Variants in SLC30A9 observed in about 807,000 individuals in gnomAD.
The protein encoded by SLC30A9 is solute carrier family 30 member 9, also known as proton-coupled zinc antiporter SLC30A9, mitochondrial.
In SLC30A9, 58 loss-of-function variants were observed where a neutral mutation model predicts 87.5. The ratio of observed to expected loss-of-function variants is 0.66; its 90% CI spans 0.54 to 0.82. The LOEUF is 0.82. SLC30A9 is among the 40% of genes least tolerant of loss of function. The pLI, the probability that SLC30A9 is intolerant of heterozygous loss-of-function variation, is 0.00. For missense variants in SLC30A9, 557 were observed against 679.1 expected (o/e 0.82, Z 2.00); for synonymous variants, 234 against 233.0 (o/e 1.00, Z -0.04).
At chr4:42,032,561 A>G (rs928816995) in intron 6 of SLC30A9, among the ~76,000 whole-genome samples, 1 of 152,172 alleles carries the variant, frequency 6.6e-6, no homozygotes, top group Non-Finnish European at 1.5e-5. Flanking sequence ...TGAGACAATT[A>G]TGGTCAATAA....
intron 1 of SLC30A9, among the ~76,000 whole-genome samples, chr4:41,991,973 T>C (rs1714462722): frequency 6.7e-6 from 1 of 150,222 alleles, no homozygotes; most frequent in Admixed American, 6.6e-5. Flanking sequence ...TTTTTGGTAG[T>C]GATAGAAAAG....
chr4:42,046,634 A>T (rs117716634), intron 8 of SLC30A9, among the ~76,000 whole-genome samples: 1,681 of 152,322 alleles, frequency 0.011, 107 homozygotes, highest in Admixed American at 0.099. Flanking sequence ...AATAATCAAT[A>T]TCATGAAAAT....
chr4:42,076,457 T>C (rs552652787), intron 16 of SLC30A9, among the ~76,000 whole-genome samples: 1 of 152,308 alleles, frequency 6.6e-6, no homozygotes, highest in South Asian at 2.1e-4. Context: ...TAGTGTAATA[T>C]GTAACATTTT....
At chr4:41,993,820 C>G (rs1714566732) in intron 1 of SLC30A9, among the ~76,000 whole-genome samples, 1 of 151,960 alleles carries the variant, frequency 6.6e-6, no homozygotes, top group South Asian at 2.1e-4. Flanking sequence ...ATTATGATAC[C>G]TTTATTATGG....
intron 14 of SLC30A9, among the ~76,000 whole-genome samples, chr4:42,069,331 T>TG (rs1718212842): frequency 6.6e-6 from 1 of 152,194 alleles, no homozygotes; most frequent in Non-Finnish European, 1.5e-5. Context: ...TTAAATAACA[T>TG]GCCAAGAAAT....
chr4:42,024,296 A>G (rs1416827873), intron 6 of SLC30A9, among the ~76,000 whole-genome samples: 4 of 152,280 alleles, frequency 2.6e-5, no homozygotes, highest in Non-Finnish European at 4.4e-5. Context: ...ACTTGAGCCC[A>G]GGAGTTTGAG....
At chr4:42,046,658 A>G (rs1426014486) in intron 8 of SLC30A9, among the ~76,000 whole-genome samples, 1 of 152,214 alleles carries the variant, frequency 6.6e-6, no homozygotes, top group African/African-American at 2.4e-5. Context: ...CGTACTGCGC[A>G]AAGTAATTAA....
rs1257507068 is a variant in SLC30A9, at chr4:41,990,658, C to T, written c.7C>T (p.Pro3Ser). MLPGLAAAAAHRC... is the reference protein window; with the variant it reads MLSGLAAAAAHRC... ...GGGCCTCTGCCCCACCAGGATGTTACCCGGCTTGGCCGCCGCCGCGGCCCA... is the reference window on the plus strand; with the variant it reads ...GGGCCTCTGCCCCACCAGGATGTTATCCGGCTTGGCCGCCGCCGCGGCCCA... Residue 3 changes from proline (P) to serine (S), a missense_variant, in exon 1 of 18, where the codon CCC becomes TCC. Pro to Ser is a moderately conservative substitution (Grantham distance 74, BLOSUM62 -1). Coordinates refer to ENST00000264451, the MANE Select transcript of SLC30A9 (RefSeq NM_006345.4). 2 of 1,605,512 alleles carry T rather than the reference C, an allele frequency of 1.2e-6. No individual in the cohort carries two copies. Among genetic ancestry groups the T allele is most frequent in the Admixed American group, 1.7e-5 (1 of 59,478 alleles).
intron 14 of SLC30A9, among the ~76,000 whole-genome samples, chr4:42,067,895 C>A (rs1167868606): frequency 6.6e-6 from 1 of 152,062 alleles, no homozygotes; most frequent in East Asian, 1.9e-4. Context: ...CTAGGATAGG[C>A]TCAAGTAGAT....
At chr4:42,019,034 A>AT (rs1312255765) in intron 3 of SLC30A9, among the ~76,000 whole-genome samples, 6 of 151,226 alleles carry the variant, frequency 4.0e-5, no homozygotes, top group Non-Finnish European at 7.4e-5. Context: ...TAAGGTTTTG[A>AT]TTTTTTAATT....
intron 9 of SLC30A9, among the ~76,000 whole-genome samples, chr4:42,056,065 G>T (rs1717597656): frequency 6.6e-6 from 1 of 152,160 alleles, no homozygotes; most frequent in African/African-American, 2.4e-5. Context: ...AGAGCTGGTT[G>T]GGGTGGTCTC....
Position 42,064,043 on chromosome 4 carries a change from CAGTT to C in SLC30A9, c.1032+926_1032+929del, listed in dbSNP as rs57218707. Among the ~76,000 whole-genome samples, 968 of 152,314 alleles carry C rather than the reference CAGTT, an allele frequency of 6.4e-3. 14 individuals carry two copies. Among genetic ancestry groups the C allele is most frequent in the African/African-American group, 0.022 (931 of 41,566 alleles). On this transcript the variant is annotated intron_variant, in intron 11 of 17. Transcript: ENST00000264451. ...TCTACTCTGCTGATACAGCCAATAT[CAGTT>C]AGTAGGCTTGCGTATGGATGTATCA...
intron 6 of SLC30A9, chr4:42,029,359 A>G (rs1257974727): frequency 1.9e-5 from 11 of 581,678 alleles, no homozygotes; most frequent in South Asian, 1.3e-4. Flanking sequence ...TGGCATCTTC[A>G]TCGGAATGAT....
chr4:42,036,596 A>G (rs1054241444), intron 7 of SLC30A9, among the ~76,000 whole-genome samples: 2 of 152,194 alleles, frequency 1.3e-5, no homozygotes, highest in Admixed American at 6.5e-5. Flanking sequence ...AAGGCTACCT[A>G]TGCACATTTT....
At chr4:41,993,195 A>T (rs959865291) in intron 1 of SLC30A9, among the ~76,000 whole-genome samples, 1 of 150,534 alleles carries the variant, frequency 6.6e-6, no homozygotes, top group Non-Finnish European at 1.5e-5. Flanking sequence ...AAAATATATA[A>T]AATTTAATAC....
At chr4:42,045,246 C>CCCTTCAACTTCCAGTGAATCCTGGAAAA in intron 8 of SLC30A9, among the ~76,000 whole-genome samples, 1 of 152,150 alleles carries the variant, frequency 6.6e-6, no homozygotes, top group East Asian at 1.9e-4. Context: ...ACACCAAAAA[C>CCCTTCAACTTCCAGTGAATCCTGGAAAA]CCTTCAAAAA....
At chr4:42,072,518 G>T (rs1323617968) in intron 15 of SLC30A9, among the ~76,000 whole-genome samples, 1 of 151,796 alleles carries the variant, frequency 6.6e-6, no homozygotes, top group African/African-American at 2.4e-5. Context: ...TTATTTAGGG[G>T]AGTATGTCAC....
At chr4:42,043,886 C>T (rs1021344974) in intron 8 of SLC30A9, among the ~76,000 whole-genome samples, 2 of 152,198 alleles carry the variant, frequency 1.3e-5, no homozygotes, top group Non-Finnish European at 2.9e-5. Context: ...AGAAACCCTA[C>T]AAGCCAGAAG....
intron 10 of SLC30A9, among the ~76,000 whole-genome samples, chr4:42,062,007 C>G (rs1169097689): frequency 2.6e-5 from 4 of 151,950 alleles, no homozygotes; most frequent in African/African-American, 9.7e-5. Context: ...CCAGCCTGAC[C>G]AACGTGGAGA....
Sources: allele counts gnomAD v4.1 joint callset (sites outside exome capture counted in the v4.1 genomes callset), GRCh38; gene constraint gnomAD v4.1.1; transcripts MANE v1.5; gene names NCBI Gene and HGNC (gene_info 2026-07-23, HGNC 2026-07-21).